Variants in TNR observed in about 807,000 individuals in gnomAD.
TNR encodes the protein tenascin R, also known as tenascin-R.
TNR carries 45 observed loss-of-function variants against 150.4 expected under a neutral mutation model. The ratio of observed to expected loss-of-function variants is 0.30; its 90% CI spans 0.24 to 0.38. The LOEUF (loss-of-function observed/expected upper bound fraction) is 0.38. Among genes scored for constraint, TNR ranks in the 10% least tolerant of loss-of-function variants. The pLI is 1.00. For synonymous variants in TNR, 687 were observed against 678.4 expected, an observed-to-expected ratio of 1.01 and a Z score of -0.20; for missense variants, 1,544 against 1,759.1, an observed-to-expected ratio of 0.88 and a Z score of 2.19.
At chr1:175,469,328 C>T (rs568552164) in intron 2 of TNR, among the ~76,000 whole-genome samples, 1 of 152,238 alleles carries the variant, frequency 6.6e-6, no homozygotes, top group African/African-American at 2.4e-5. Context: ...CTAAGAGAGA[C>T]CCAATTGCTG....
chr1:175,491,962 A>T (rs984398133), intron 2 of TNR, among the ~76,000 whole-genome samples: 1 of 152,160 alleles, frequency 6.6e-6, no homozygotes, highest in Non-Finnish European at 1.5e-5. Flanking sequence ...CCAGACTTTT[A>T]AACGATAAAC....
At chr1:175,684,770 A>G (rs911506289) in intron 1 of TNR, among the ~76,000 whole-genome samples, 1 of 152,194 alleles carries the variant, frequency 6.6e-6, no homozygotes, top group South Asian at 2.1e-4. Context: ...CATTTTCCTT[A>G]TGGAGGTTGA....
intron 1 of TNR, among the ~76,000 whole-genome samples, chr1:175,665,358 C>T (rs115204654): frequency 1.3e-5 from 2 of 152,170 alleles, no homozygotes; most frequent in Non-Finnish European, 1.5e-5. Context: ...CACAGCTCCC[C>T]GACTGGCTTC....
chr1:175,382,117 G>A (rs1007676827), intron 8 of TNR, among the ~76,000 whole-genome samples: 2 of 152,200 alleles, frequency 1.3e-5, no homozygotes, highest in African/African-American at 2.4e-5. Flanking sequence ...TTTCATTATA[G>A]TACTCATAAT....
chr1:175,530,208 A>T (rs1052787959), intron 1 of TNR, among the ~76,000 whole-genome samples: 1 of 152,206 alleles, frequency 6.6e-6, no homozygotes, highest in Admixed American at 6.5e-5. Context: ...GGATATGCAC[A>T]CAGAAGGCTT....
rs147402546 is a variant in TNR at position 175,737,013 on chromosome 1, C to G, written c.-165+6213G>C. On this transcript the variant is annotated intron_variant, in intron 1 of 22. Coordinates refer to ENST00000367674, the MANE Select transcript of TNR (RefSeq NM_003285.3). ...TCCAGCCTGAGTAACAGAGTGAGAT[C>G]CCATCTCAAAAACAAAGCAAAGCAA... is the stretch of plus-strand genomic sequence containing the variant. Among the ~76,000 whole-genome samples, 313 of 152,094 alleles carry G rather than the reference C, an allele frequency of 2.1e-3. 4 individuals carry two copies. Among genetic ancestry groups the G allele is most frequent in the South Asian group, 4.4e-3 (21 of 4,812 alleles).
At chr1:175,402,228 A>C (rs1425923895) in intron 4 of TNR, among the ~76,000 whole-genome samples, 2 of 137,864 alleles carry the variant, frequency 1.5e-5, no homozygotes, top group African/African-American at 2.7e-5. Flanking sequence ...AATGGTGTGA[A>C]CCCGGGAAGC....
chr1:175,350,721 G>T (rs1003245562), intron 18 of TNR, among the ~76,000 whole-genome samples: 2 of 152,186 alleles, frequency 1.3e-5, no homozygotes, highest in Admixed American at 1.3e-4. Context: ...GTGAGTGCCA[G>T]TTCTTTTCTT....
At chr1:175,550,968 A>T (rs898851569) in intron 1 of TNR, among the ~76,000 whole-genome samples, 1 of 152,198 alleles carries the variant, frequency 6.6e-6, no homozygotes, top group Non-Finnish European at 1.5e-5. Flanking sequence ...AAAATAGCAC[A>T]CAAAGATAGA....
At chr1:175,473,492 T>C (rs990007306) in intron 2 of TNR, among the ~76,000 whole-genome samples, 2 of 152,146 alleles carry the variant, frequency 1.3e-5, no homozygotes, top group Non-Finnish European at 2.9e-5. Flanking sequence ...TCAGGTCCTC[T>C]CTTAGGGAAT....
chr1:175,617,141 A>G (rs1409927935), intron 1 of TNR, among the ~76,000 whole-genome samples: 1 of 152,092 alleles, frequency 6.6e-6, no homozygotes, highest in East Asian at 1.9e-4. Context: ...TGAGGATTCA[A>G]TGGCATGGTT....
At chr1:175,499,833 TC>T (rs1372690586) in intron 2 of TNR, among the ~76,000 whole-genome samples, 4 of 152,110 alleles carry the variant, frequency 2.6e-5, no homozygotes, top group Non-Finnish European at 5.9e-5. Context: ...CTCTCTTTCA[TC>T]CCCTCTGCCT....
intron 2 of TNR, among the ~76,000 whole-genome samples, chr1:175,446,699 C>G (rs1432497768): frequency 6.6e-6 from 1 of 151,800 alleles, no homozygotes; most frequent in Non-Finnish European, 1.5e-5. Flanking sequence ...AAAAGCAAAA[C>G]AAAAAAAATC....
intron 1 of TNR, among the ~76,000 whole-genome samples, chr1:175,619,475 A>G (rs1352047043): frequency 1.3e-5 from 2 of 152,222 alleles, no homozygotes; most frequent in Non-Finnish European, 2.9e-5. Context: ...CACCTGATGT[A>G]TTGAGTAGAA....
chr1:175,418,823 T>C (rs1477311894), intron 2 of TNR, among the ~76,000 whole-genome samples: 3 of 152,134 alleles, frequency 2.0e-5, no homozygotes, highest in African/African-American at 7.2e-5. Flanking sequence ...GGTGATTGTA[T>C]TCAGGGATGA....
At chr1:175,675,276 T>C (rs1460563160) in intron 1 of TNR, among the ~76,000 whole-genome samples, 2 of 152,200 alleles carry the variant, frequency 1.3e-5, no homozygotes, top group Admixed American at 1.3e-4. Context: ...GGATAACGGC[T>C]GAGTATTACA....
At chr1:175,655,445 G>T (rs146140580) in intron 1 of TNR, among the ~76,000 whole-genome samples, 1 of 152,330 alleles carries the variant, frequency 6.6e-6, no homozygotes, top group African/African-American at 2.4e-5. Flanking sequence ...CAGAGAGGCT[G>T]TATACTGTCA....
At chr1:175,342,820 C>T (rs950609819) in intron 18 of TNR, among the ~76,000 whole-genome samples, 1 of 152,240 alleles carries the variant, frequency 6.6e-6, no homozygotes, top group Non-Finnish European at 1.5e-5. Context: ...ACATCTAAAT[C>T]CTCCCTTCAC....
intron 2 of TNR, among the ~76,000 whole-genome samples, chr1:175,506,505 G>A (rs1571536604): frequency 6.6e-6 from 1 of 152,212 alleles, no homozygotes; most frequent in African/African-American, 2.4e-5. Flanking sequence ...TGGGCCCTAG[G>A]CTAATCTGAC....
Sources: gnomAD v4.1 joint callset for allele counts (sites outside exome capture counted in the v4.1 genomes callset) on GRCh38, gnomAD v4.1.1 for gene constraint, MANE v1.5 for transcripts, NCBI Gene and HGNC (gene_info 2026-07-23, HGNC 2026-07-21) for gene names.